The following ATF2 variants were observed in gnomAD, a reference collection of about 807,000 sequenced individuals.
ATF2 encodes cyclic AMP-dependent transcription factor ATF-2.
A neutral mutation model predicts 60.6 loss-of-function variants in ATF2; 24 were observed. That is an observed-to-expected ratio of 0.40 (90% confidence interval 0.29 to 0.56). The LOEUF is 0.56. ATF2 is among the 20% of genes least tolerant of loss of function. The pLI is 0.54. For missense variants in ATF2, 433 were observed against 607.7 expected (o/e 0.71, Z 3.02); for synonymous variants, 206 against 215.4 (o/e 0.96, Z 0.38).
Position 175,072,999 on chromosome 2 carries a change from G to T in ATF2, c.*1610C>A, listed in dbSNP as rs984737090. ...CAGTCTCATTAGGAGATGGCACTGA[G>T]ACTTTAGCAAATAGTGTAGTATGGA... is the stretch of plus-strand genomic sequence containing the variant. On this transcript the variant is annotated 3_prime_UTR_variant, in exon 14 of 14. Coordinates refer to ENST00000264110, the MANE Select transcript of ATF2 (RefSeq NM_001880.4). 2.6e-5 allele frequency: 4 copies of T among 152,202 alleles called. No individual in the cohort carries two copies. Among genetic ancestry groups the T allele is most frequent in the African/African-American group, 9.6e-5 (4 of 41,570 alleles). The allele number at this position is 152,202 out of a possible 1,614,324, so 9.4% of individuals were successfully genotyped here. A position where few individuals can be genotyped will look rare whatever the true frequency, so the allele number is the denominator to read the frequency against.
chr2:175,117,216 G>T (rs1696635910), intron 7 of ATF2, among the ~76,000 whole-genome samples: 1 of 149,254 alleles, frequency 6.7e-6, no homozygotes, highest in South Asian at 2.1e-4. Flanking sequence ...CTTTTAAAAT[G>T]AGAAAAAGAA....
chr2:175,128,962 A>G (rs149964029), intron 4 of ATF2, among the ~76,000 whole-genome samples: 182 of 152,300 alleles, frequency 1.2e-3, no homozygotes, highest in Non-Finnish European at 1.8e-3. Flanking sequence ...AGTCAAACAT[A>G]TATCTATCAG....
intron 1 of ATF2, among the ~76,000 whole-genome samples, chr2:175,154,249 A>ATT (rs1559121954): frequency 3.3e-5 from 5 of 149,518 alleles, no homozygotes; most frequent in African/African-American, 7.3e-5. Context: ...ATATATATAT[A>ATT]TATTTTTTAC....
At chr2:175,093,715 A>G (rs1268323773) in intron 11 of ATF2, among the ~76,000 whole-genome samples, 1 of 152,144 alleles carries the variant, frequency 6.6e-6, no homozygotes, top group Non-Finnish European at 1.5e-5. Context: ...CTATTTTTAA[A>G]TTAAATATCT....
chr2:175,073,685 T>C lies in ATF2; in HGVS notation c.*924A>G, dbSNP rs1693089512. 6.6e-6 allele frequency: 1 copy of C among 152,096 alleles called. No homozygotes were observed. Among genetic ancestry groups the C allele is most frequent in the African/African-American group, 2.4e-5 (1 of 41,424 alleles). 9.4% of individuals were successfully genotyped at this position (152,096 alleles called of 1,614,324 possible). ...GGTAAACAGTCTTAAATTTTCTAAG[T>C]AGTAATTTTAGGCTTTTCTGGCAAC... On this transcript the variant is annotated 3_prime_UTR_variant, in exon 14 of 14. Coordinates refer to ENST00000264110, the MANE Select transcript of ATF2 (RefSeq NM_001880.4).
At chr2:175,075,161 G>A (rs1437674262) in intron 13 of ATF2, 2 of 946,148 alleles carry the variant, frequency 2.1e-6, no homozygotes, top group African/African-American at 3.4e-5. Flanking sequence ...CAAACATTAA[G>A]TATCACATTT....
At chr2:175,105,076 TGAGA>T (rs1695564768) in intron 10 of ATF2, among the ~76,000 whole-genome samples, 1 of 152,144 alleles carries the variant, frequency 6.6e-6, no homozygotes, top group Admixed American at 6.5e-5. Context: ...GAAAGACAAT[TGAGA>T]GAATTATTGA....
intron 2 of ATF2, among the ~76,000 whole-genome samples, chr2:175,138,232 T>C (rs1163287033): frequency 6.6e-6 from 1 of 152,196 alleles, no homozygotes; most frequent in East Asian, 1.9e-4. Flanking sequence ...AACATTTCTT[T>C]ATCTTCCTTG....
intron 10 of ATF2, among the ~76,000 whole-genome samples, chr2:175,108,577 C>T (rs1348909920): frequency 1.3e-5 from 2 of 151,088 alleles, no homozygotes; most frequent in African/African-American, 4.9e-5. Flanking sequence ...TCCGCCCGGC[C>T]AGCCGACCCG....
intron 5 of ATF2, among the ~76,000 whole-genome samples, chr2:175,120,053 T>C (rs1247215558): frequency 6.6e-6 from 1 of 151,686 alleles, no homozygotes; most frequent in Non-Finnish European, 1.5e-5. Flanking sequence ...GGTCAAGTAC[T>C]GTGTTTGAAT....
chr2:175,117,536 CTGGG>C (rs1407074847), intron 7 of ATF2, among the ~76,000 whole-genome samples: 3 of 151,968 alleles, frequency 2.0e-5, no homozygotes, highest in Non-Finnish European at 4.4e-5. Context: ...CCCAGATTAT[CTGGG>C]TATTCAAGCT....
intron 12 of ATF2, among the ~76,000 whole-genome samples, chr2:175,083,004 A>C (rs943681928): frequency 6.6e-6 from 1 of 152,122 alleles, no homozygotes; most frequent in African/African-American, 2.4e-5. Flanking sequence ...AGAGGATACA[A>C]ACAAATGGAA....
rs1406399374 is a variant in ATF2, at chr2:175,093,064, C to G, written c.1182G>C (p.Leu394=). Residue 394 remains leucine (L), a synonymous_variant, in exon 12 of 14, where the codon CTG becomes CTC. Transcript: ENST00000264110. The part of the protein sequence containing the change: ...AEDLSSLNGQ[L]QSEVTLLRNE... ...AATTCACATATATGCACCATACCTG[C>G]AGCTGACCATTTAATGAACTCAAGT... is the stretch of plus-strand genomic sequence containing the variant. 1 of 1,614,026 alleles carries G rather than the reference C, an allele frequency of 6.2e-7. No homozygotes were observed.
At chr2:175,161,479 G>A (rs1011908596) in intron 1 of ATF2, among the ~76,000 whole-genome samples, 1 of 152,192 alleles carries the variant, frequency 6.6e-6, no homozygotes, top group East Asian at 1.9e-4. Context: ...TCCTTAAAGA[G>A]AAGGAAACTG....
intron 4 of ATF2, among the ~76,000 whole-genome samples, chr2:175,129,140 A>G (rs1257107624): frequency 1.3e-5 from 2 of 152,200 alleles, no homozygotes; most frequent in African/African-American, 4.8e-5. Flanking sequence ...ATGAAATATT[A>G]TATCTCAATG....
intron 1 of ATF2, among the ~76,000 whole-genome samples, chr2:175,154,089 C>T (rs1699499618): frequency 6.6e-6 from 1 of 151,276 alleles, no homozygotes. Context: ...TGGCACACAC[C>T]TGTAATCCCA....
intron 12 of ATF2, among the ~76,000 whole-genome samples, chr2:175,085,291 T>G (rs182908889): frequency 6.6e-6 from 1 of 152,140 alleles, no homozygotes; most frequent in South Asian, 2.1e-4. Context: ...TCCCAGAACT[T>G]TGGGAGACTG....
At chr2:175,125,510 T>A (rs751910609) in intron 4 of ATF2, among the ~76,000 whole-genome samples, 1 of 152,100 alleles carries the variant, frequency 6.6e-6, no homozygotes, top group South Asian at 2.1e-4. Flanking sequence ...AAAAATTGAT[T>A]TAGCTTTTAA....
At chr2:175,088,630 G>A (rs914201054) in intron 12 of ATF2, among the ~76,000 whole-genome samples, 1 of 151,632 alleles carries the variant, frequency 6.6e-6, no homozygotes, top group African/African-American at 2.4e-5. Flanking sequence ...CAAAAGCTGC[G>A]ATTCTGTTTG....
Sources: gnomAD v4.1 joint callset for allele counts (sites outside exome capture counted in the v4.1 genomes callset) on GRCh38, gnomAD v4.1.1 for gene constraint, MANE v1.5 for transcripts, NCBI Gene and HGNC (gene_info 2026-07-23, HGNC 2026-07-21) for gene names.